Variants in CRLS1 observed in about 807,000 individuals in gnomAD.
CRLS1 encodes cardiolipin synthase 1.
CRLS1 carries 24 observed loss-of-function variants against 37.0 expected under a neutral mutation model. That is an observed-to-expected ratio of 0.65 (90% CI 0.47 to 0.91). The LOEUF (loss-of-function observed/expected upper bound fraction) is 0.91. CRLS1 is among the 40% of genes least tolerant of loss of function. CRLS1 has a pLI of 0.00. For synonymous variants in CRLS1, 135 were observed against 159.7 expected (o/e 0.85, Z 1.17); for missense variants, 373 against 395.8 (o/e 0.94, Z 0.49).
At position 6,009,786 on chromosome 20, in the gene CRLS1, A is replaced by G. The variant is rs147770966; in HGVS notation, c.318A>G (p.Pro106=). 1.0e-4 allele frequency: 161 copies of G among 1,613,284 alleles called. No individual in the cohort carries two copies. Among genetic ancestry groups the G allele is most frequent in the Non-Finnish European group, 1.2e-4 (146 of 1,179,620 alleles). Residue 106 remains proline, a synonymous_variant, in exon 2 of 7, where the codon CCA becomes CCG. Coordinates refer to ENST00000378863, the MANE Select transcript of CRLS1 (RefSeq NM_019095.6). The part of the protein sequence containing the change: ...PASTPSLYEN[P]WTIPNMLSMT... ...TCTTTGTGTTTCAGTATGAAAACCC[A>G]TGGACAATCCCGAATATGTTGTCAA...
chr20:6,026,494 A>G (rs1438622864), intron 3 of CRLS1, among the ~76,000 whole-genome samples: 5 of 152,142 alleles, frequency 3.3e-5, no homozygotes, highest in Non-Finnish European at 7.4e-5. Context: ...AGAGCCTTCA[A>G]TGTCTCTGAG....
Position 6,031,868 on chromosome 20 carries a change from T to A in CRLS1, c.661-144T>A, listed in dbSNP as rs1004031388. 2.0e-5 allele frequency: 11 copies of A among 538,394 alleles called. No individual in the cohort carries two copies. In the South Asian group the frequency reaches 3.2e-4, roughly 16 times the overall value. 33.4% of individuals were successfully genotyped at this position (538,394 alleles called of 1,614,324 possible). ...GCAATTGAAAAATCTATACATTTTT[T>A]AAAATCAATATTCAGTATATATTGA... is the stretch of plus-strand genomic sequence containing the variant. On this transcript the variant is annotated intron_variant, in intron 4 of 6. Coordinates refer to ENST00000378863, the MANE Select transcript of CRLS1 (RefSeq NM_019095.6).
intron 2 of CRLS1, among the ~76,000 whole-genome samples, chr20:6,010,293 C>CA (rs949125547): frequency 1.3e-4 from 20 of 151,292 alleles, no homozygotes; most frequent in Admixed American, 5.2e-4. Context: ...CTCAGATCTG[C>CA]AAAAAAAAGT....
intron 3 of CRLS1, among the ~76,000 whole-genome samples, chr20:6,030,755 A>G (rs750247519): frequency 1.3e-5 from 2 of 152,210 alleles, no homozygotes; most frequent in Non-Finnish European, 2.9e-5. Context: ...CTAGTTGCAC[A>G]TAACAGCAAA....
chr20:6,027,436 C>T (rs1411869911), intron 3 of CRLS1, among the ~76,000 whole-genome samples: 1 of 151,306 alleles, frequency 6.6e-6, no homozygotes, highest in Non-Finnish European at 1.5e-5. Context: ...TAGACAGGGT[C>T]TCACACTGTC....
intron 3 of CRLS1, among the ~76,000 whole-genome samples, chr20:6,018,701 C>G (rs1264404831): frequency 6.6e-6 from 1 of 152,148 alleles, no homozygotes; most frequent in African/African-American, 2.4e-5. Flanking sequence ...ATCTTGAACT[C>G]TTGGCCTCCC....
intron 3 of CRLS1, among the ~76,000 whole-genome samples, chr20:6,024,182 C>G (rs1209424416): frequency 2.6e-5 from 4 of 152,110 alleles, no homozygotes; most frequent in Non-Finnish European, 4.4e-5. Context: ...TCTCGAACTC[C>G]TGGGCTTAAG....
intron 3 of CRLS1, chr20:6,023,379 G>C (rs911474267): frequency 1.3e-5 from 2 of 152,128 alleles, no homozygotes; most frequent in Admixed American, 1.3e-4. Flanking sequence ...TGTTCTACCA[G>C]GTGCCTAGGA....
In CRLS1 at chr20:6,039,536, G is replaced by C. The variant is rs1271970899; in HGVS notation, c.*2378G>C. 1 of 152,024 alleles carries C rather than the reference G, an allele frequency of 6.6e-6. No homozygotes were observed. The highest frequency in any genetic ancestry group is 1.5e-5 in the Non-Finnish European group (1 of 68,004). The allele number at this position is 152,024 out of a possible 1,614,324, so 9.4% of individuals were successfully genotyped here. ...ATGGTTTGGAAACAAAAGATACATA[G>C]GATTTAAACTCGATTTGTTTTCTTC... On this transcript the variant is annotated 3_prime_UTR_variant, in exon 7 of 7. Transcript: ENST00000378863.
rs967016089 is a variant in CRLS1 at position 6,037,110 on chromosome 20, T to C, written c.858T>C (p.Tyr286=). The C allele has an allele frequency of 5.0e-6, 8 of 1,613,648 alleles. No individual in the cohort carries two copies. The African/African-American group carries it at 1.1e-4, about 22-fold the overall frequency. ...FTAFTTAASA[Y]SYYHYGRKTV... ...CTTTCACCACAGCTGCATCAGCTTA[T>C]AGTTACTATCATTATGGCCGGAAGA... The change falls in exon 7 of 7, where the codon TAT becomes TAC. Residue 286 remains tyrosine, a synonymous_variant. Coordinates refer to ENST00000378863, the MANE Select transcript of CRLS1 (RefSeq NM_019095.6).
intron 2 of CRLS1, among the ~76,000 whole-genome samples, chr20:6,014,263 C>G (rs1978567539): frequency 6.6e-6 from 1 of 152,178 alleles, no homozygotes; most frequent in African/African-American, 2.4e-5. Context: ...TCCAAGATCA[C>G]ACAGCTACTA....
intron 6 of CRLS1, 77 bp downstream of exon 6, chr20:6,034,632 C>A: frequency 9.4e-7 from 1 of 1,068,424 alleles, no homozygotes; most frequent in Non-Finnish European, 1.4e-6. Flanking sequence ...TGACCTTGTT[C>A]TTACAGCATT....
At chr20:6,013,222 CTT>C (rs10574006) in intron 2 of CRLS1, among the ~76,000 whole-genome samples, 59,518 of 128,674 alleles carry the variant, frequency 0.46, 12,123 homozygotes, top group Middle Eastern at 0.55. Context: ...TTTGTTTGGC[CTT>C]TTTTTTTTTT....
chr20:6,035,897 C>T (rs1031802423), intron 6 of CRLS1, among the ~76,000 whole-genome samples: 12 of 151,556 alleles, frequency 7.9e-5, no homozygotes, highest in African/African-American at 2.2e-4. Flanking sequence ...CTCTACCACC[C>T]GGGTTCAAGC....
chr20:6,031,445 C>A, intron 4 of CRLS1, 75 bp downstream of exon 4: 1 of 1,131,058 alleles, frequency 8.8e-7, no homozygotes, highest in Non-Finnish European at 1.3e-6. Flanking sequence ...CATATTTTTG[C>A]GTCAACATCT....
chr20:6,006,153 A>T lies in CRLS1; in HGVS notation c.-94A>T. The T allele has an allele frequency of 1.6e-6, 1 of 607,790 alleles. No individual in the cohort carries two copies. Among genetic ancestry groups the T allele is most frequent in the Non-Finnish European group, 2.4e-6 (1 of 425,370 alleles). 37.6% of individuals were successfully genotyped at this position (607,790 alleles called of 1,614,324 possible). On this transcript the variant is annotated 5_prime_UTR_variant, in exon 1 of 7. Coordinates refer to ENST00000378863, the MANE Select transcript of CRLS1 (RefSeq NM_019095.6). Reference sequence around the variant, plus strand: ...GGAGGCAGCGGTAGCCCAGTGTCTGAGTGGTTGCCGGGTCTCCATGGAGAA... The same window carrying T: ...GGAGGCAGCGGTAGCCCAGTGTCTGTGTGGTTGCCGGGTCTCCATGGAGAA...
chr20:6,037,164 G>A lies in CRLS1; in HGVS notation c.*6G>A, dbSNP rs771505577. On this transcript the variant is annotated 3_prime_UTR_variant, in exon 7 of 7. Coordinates refer to ENST00000378863, the MANE Select transcript of CRLS1 (RefSeq NM_019095.6). ...TTCAGGTGATAAAAGACTGATGAAA[G>A]TCATCCCTCACTGTTAGTAAGGAAG... 10 of 1,604,464 alleles carry A rather than the reference G, an allele frequency of 6.2e-6. No individual in the cohort carries two copies.
At position 6,032,023 on chromosome 20, in the gene CRLS1, C is replaced by A; in HGVS notation, c.672C>A (p.Ala224=). The A allele has an allele frequency of 6.2e-7, 1 of 1,612,026 alleles. No homozygotes were observed. Among genetic ancestry groups the A allele is most frequent in the South Asian group, 1.1e-5 (1 of 90,820 alleles). The part of the protein sequence containing the change: ...YRTLPTPRTL[A]KYFNPCYATA... The stretch of plus-strand genomic sequence containing the variant: ...TGGTCCTCTGCCAGCGAACACTTGC[C>A]AAGTATTTCAATCCTTGCTATGCCA... Residue 224 remains alanine (A), a synonymous_variant, in exon 5 of 7, where the codon GCC becomes GCA. Transcript: ENST00000378863.
At chr20:6,024,887 A>G (rs565973298) in intron 3 of CRLS1, among the ~76,000 whole-genome samples, 15 of 152,246 alleles carry the variant, frequency 9.9e-5, no homozygotes, top group Non-Finnish European at 1.6e-4. Context: ...TAATAGATCA[A>G]GGCCCTAAGT....
Sources: gnomAD v4.1 joint callset for allele counts (sites outside exome capture counted in the v4.1 genomes callset) on GRCh38, gnomAD v4.1.1 for gene constraint, MANE v1.5 for transcripts, NCBI Gene and HGNC (gene_info 2026-07-23, HGNC 2026-07-21) for gene names.